The following SLC2A5 variants were observed in gnomAD, a reference collection of about 807,000 sequenced individuals.
SLC2A5 encodes solute carrier family 2 member 5, also known as solute carrier family 2, facilitated glucose transporter member 5.
A neutral mutation model predicts 50.3 loss-of-function variants in SLC2A5; 56 were observed. The observed-to-expected ratio is 1.11, with a 90% confidence interval of 0.90 to 1.39. SLC2A5 has a LOEUF of 1.39. Among genes scored for constraint, SLC2A5 ranks in the 40% most tolerant of loss-of-function variants. The pLI is 0.00. For synonymous variants in SLC2A5, 269 were observed against 281.9 expected, an observed-to-expected ratio of 0.95 and a Z score of 0.46; for missense variants, 566 against 650.1, an observed-to-expected ratio of 0.87 and a Z score of 1.41.
At chr1:9,078,294 C>T (rs576302828) in intron 2 of SLC2A5, among the ~76,000 whole-genome samples, 1 of 152,186 alleles carries the variant, frequency 6.6e-6, no homozygotes, top group Non-Finnish European at 1.5e-5. Context: ...TTACCACATC[C>T]TTTCATCAGC....
intron 4 of SLC2A5, among the ~76,000 whole-genome samples, chr1:9,045,323 A>G (rs74053918): frequency 3.4e-4 from 52 of 152,344 alleles, no homozygotes; most frequent in African/African-American, 1.2e-3. Context: ...TGTAACCCAC[A>G]TGAGCAAAAG....
chr1:9,085,462 G>T (rs957185201), intron 1 of SLC2A5, among the ~76,000 whole-genome samples: 1 of 152,218 alleles, frequency 6.6e-6, no homozygotes, highest in African/African-American at 2.4e-5. Context: ...AGAAAGGAAT[G>T]TCTGTAAGAT....
intron 2 of SLC2A5, among the ~76,000 whole-genome samples, chr1:9,081,484 A>T (rs1642352507): frequency 2.0e-5 from 3 of 150,592 alleles, no homozygotes; most frequent in Admixed American, 2.0e-4. Flanking sequence ...AAAAAAAAAA[A>T]AAAAAGTAAA....
chr1:9,060,647 CA>C (rs151161734), intron 1 of SLC2A5, among the ~76,000 whole-genome samples: 3,782 of 117,526 alleles, frequency 0.032, 170 homozygotes, highest in African/African-American at 0.071. Context: ...ACAGCCCACA[CA>C]CCCCCCACAC....
chr1:9,071,346 G>T (rs1201719216), upstream of SLC2A5, among the ~76,000 whole-genome samples: 2 of 152,162 alleles, frequency 1.3e-5, no homozygotes, highest in African/African-American at 2.4e-5. Context: ...GGAGGCGGAG[G>T]TTGCAGCGCA....
chr1:9,059,616 A>G (rs1289441760), intron 1 of SLC2A5, among the ~76,000 whole-genome samples: 1 of 139,834 alleles, frequency 7.2e-6, no homozygotes, highest in Non-Finnish European at 1.5e-5. Flanking sequence ...TGTGACCTCA[A>G]CCTCCTGGGC....
chr1:9,066,802 AC>A (rs142997134), intron 1 of SLC2A5, among the ~76,000 whole-genome samples: 1,933 of 151,414 alleles, frequency 0.013, 28 homozygotes, highest in South Asian at 0.052. Context: ...GTATAGTGAG[AC>A]CCCGTCTCTT....
At chr1:9,076,089 G>A (rs936762345) in intron 2 of SLC2A5, among the ~76,000 whole-genome samples, 19 of 151,954 alleles carry the variant, frequency 1.3e-4, no homozygotes, top group Non-Finnish European at 2.8e-4. Context: ...CCGAGTAACT[G>A]GAATTACAGA....
At chr1:9,057,240 C>A (rs61177738) in intron 3 of SLC2A5, among the ~76,000 whole-genome samples, 1 of 147,560 alleles carries the variant, frequency 6.8e-6, no homozygotes, top group East Asian at 2.0e-4. Flanking sequence ...GAGCCAAGAT[C>A]GCGCCACTGC....
chr1:9,078,230 A>G (rs1642314397), intron 2 of SLC2A5, among the ~76,000 whole-genome samples: 1 of 152,118 alleles, frequency 6.6e-6, no homozygotes. Flanking sequence ...CAGTGAGGAC[A>G]ACCAGAGGTC....
intron 1 of SLC2A5, among the ~76,000 whole-genome samples, chr1:9,058,494 C>T (rs58135491): frequency 0.023 from 3,512 of 152,268 alleles, 146 homozygotes; most frequent in African/African-American, 0.08. Context: ...AGGATGTTTA[C>T]AGCATCCTGT....
chr1:9,038,969 C>T (rs1475660932), intron 8 of SLC2A5, 40 bp from the exon 9 acceptor site: 1 of 1,592,072 alleles, frequency 6.3e-7, no homozygotes, highest in Non-Finnish European at 8.5e-7. Context: ...AGAGGCCCAG[C>T]TTCACCTCCC....
chr1:9,084,370 C>G (rs1642384109), intron 2 of SLC2A5, among the ~76,000 whole-genome samples: 1 of 152,216 alleles, frequency 6.6e-6, no homozygotes, highest in Admixed American at 6.5e-5. Context: ...CCGAACTCTC[C>G]TTTCTTGAGT....
intron 4 of SLC2A5, among the ~76,000 whole-genome samples, chr1:9,047,184 C>T (rs1557666395): frequency 6.6e-6 from 1 of 152,110 alleles, no homozygotes; most frequent in Non-Finnish European, 1.5e-5. Flanking sequence ...CTGTGTTGCC[C>T]AGGCTGGTTT....
intron 4 of SLC2A5, among the ~76,000 whole-genome samples, chr1:9,045,305 T>C (rs1370101532): frequency 6.6e-6 from 1 of 152,224 alleles, no homozygotes; most frequent in Non-Finnish European, 1.5e-5. Flanking sequence ...ACAGTAAATA[T>C]TGATCAATGT....
At position 9,040,073 on chromosome 1, in the gene SLC2A5, C is replaced by A. The variant is rs1413812558; in HGVS notation, c.688G>T (p.Ala230Ser). The A allele has an allele frequency of 3.2e-6, 5 of 1,585,904 alleles. No homozygotes were observed. The highest frequency in any genetic ancestry group is 2.7e-5 in the African/African-American group (2 of 74,016). ...LLIQKKDEAAAKKALQTLRGW... is the reference protein window; with the variant it reads ...LLIQKKDEAASKKALQTLRGW... Reference sequence around the variant, plus strand: ...CCAGAGCCCTCGTTACCTTTCTTGGCGGCCGCTTCGTCTTTCTTCTGAATC... The same window carrying A: ...CCAGAGCCCTCGTTACCTTTCTTGGAGGCCGCTTCGTCTTTCTTCTGAATC... The change falls in exon 6 of 12, where the codon GCC becomes TCC. Residue 230 changes from alanine (A) to serine (S), a missense_variant. Transcript: ENST00000377424. The surrounding 1 kb of genome is among the most constrained non-coding windows in gnomAD (Gnocchi z 4.3).
chr1:9,038,731 A>C (rs772482930), intron 9 of SLC2A5, 97 bp downstream of exon 9: 27 of 1,469,780 alleles, frequency 1.8e-5, no homozygotes, highest in Non-Finnish European at 2.4e-5. Flanking sequence ...GCTCATTGTG[A>C]CCCCTTTTAT....
intron 2 of SLC2A5, among the ~76,000 whole-genome samples, chr1:9,082,402 T>C (rs967580275): frequency 7.2e-5 from 11 of 152,196 alleles, no homozygotes; most frequent in Non-Finnish European, 1.5e-4. Flanking sequence ...ACATACACAA[T>C]GGAATACTAT....
At chr1:9,052,275 C>A (rs920061017) in intron 3 of SLC2A5, among the ~76,000 whole-genome samples, 4 of 152,006 alleles carry the variant, frequency 2.6e-5, no homozygotes, top group Non-Finnish European at 5.9e-5. Flanking sequence ...CAGAGCGAGA[C>A]TCCGTCTCAA....
Sources: gnomAD v4.1 joint callset for allele counts (sites outside exome capture counted in the v4.1 genomes callset) on GRCh38, gnomAD v4.1.1 for gene constraint, Gnocchi (gnomAD v3.1) non-coding constraint, MANE v1.5 for transcripts, NCBI Gene and HGNC (gene_info 2026-07-23, HGNC 2026-07-21) for gene names.